The following PCDH15 variants were observed in gnomAD, a reference collection of about 807,000 sequenced individuals.
PCDH15 encodes protocadherin-15.
PCDH15 carries 129 observed loss-of-function variants against 178.5 expected under a neutral mutation model. The observed-to-expected ratio is 0.72, with a 90% CI of 0.63 to 0.84. The LOEUF (loss-of-function observed/expected upper bound fraction) is 0.84, where lower values mean the gene tolerates loss of function less well. Among genes scored for constraint, PCDH15 ranks in the 40% least tolerant of loss-of-function variants. The pLI is 0.00. For missense variants in PCDH15, 2,230 were observed against 2,099.9 expected (o/e 1.06, Z -1.21); for synonymous variants, 800 against 732.0 (o/e 1.09, Z -1.50).
intron 2 of PCDH15, among the ~76,000 whole-genome samples, chr10:54,913,109 G>A (rs1178997436): frequency 6.6e-6 from 1 of 152,186 alleles, no homozygotes; most frequent in Non-Finnish European, 1.5e-5. Context: ...ATTTTCTGGG[G>A]ATGAACCCTT....
intron 2 of PCDH15, among the ~76,000 whole-genome samples, chr10:54,997,937 T>A (rs1839687178): frequency 6.6e-6 from 1 of 152,126 alleles, no homozygotes; most frequent in African/African-American, 2.4e-5. Flanking sequence ...TATGCAGAAA[T>A]GTATTTTTTA....
chr10:55,505,319 T>C (rs1212721209), intron 2 of PCDH15, among the ~76,000 whole-genome samples: 1 of 151,372 alleles, frequency 6.6e-6, no homozygotes, highest in African/African-American at 2.4e-5. Context: ...ATATTTATTA[T>C]TGACATTTAA....
chr10:53,856,685 T>A (rs1362743474), intron 28 of PCDH15, among the ~76,000 whole-genome samples: 1 of 152,066 alleles, frequency 6.6e-6, no homozygotes, highest in African/African-American at 2.4e-5. Context: ...TAATAAAATC[T>A]CACATCTAAT....
intron 2 of PCDH15, among the ~76,000 whole-genome samples, chr10:55,103,919 A>G (rs139878014): frequency 7.0e-4 from 106 of 152,282 alleles, no homozygotes; most frequent in African/African-American, 2.5e-3. Context: ...CAAAGAATCA[A>G]TGGGACCAAT....
chr10:55,548,303 T>G (rs1038251238), intron 2 of PCDH15, among the ~76,000 whole-genome samples: 4 of 150,350 alleles, frequency 2.7e-5, no homozygotes, highest in African/African-American at 9.8e-5. Context: ...AGTTTTGGAG[T>G]GGTTTGTTAC....
In PCDH15 at chr10:54,329,692, G is replaced by C. The variant is rs762859513; in HGVS notation, c.609C>G (p.Thr203=). 1 of 1,592,212 alleles carries C rather than the reference G, an allele frequency of 6.3e-7. No individual in the cohort carries two copies. The highest frequency in any genetic ancestry group is 1.3e-5 in the African/African-American group (1 of 74,450). ...YNPDDPTSND[T]FEIPLMLTGN... ...CAGTCAACATTAGGGGAATTTCAAA[G>C]GTGTCATTGGATGTCTGCAAATATT... The change falls in exon 7 of 38, where the codon ACC becomes ACG. Residue 203 remains threonine (T), a synonymous_variant. Coordinates refer to ENST00000644397, the MANE Select transcript of PCDH15 (RefSeq NM_001384140.1).
intron 18 of PCDH15, among the ~76,000 whole-genome samples, chr10:54,031,460 C>T (rs1374406656): frequency 2.6e-5 from 4 of 151,360 alleles, no homozygotes; most frequent in African/African-American, 9.7e-5. Context: ...ATAGGAGACA[C>T]TGTTAGAGAA....
chr10:55,464,875 T>A (rs1168486715), intron 2 of PCDH15, among the ~76,000 whole-genome samples: 3 of 142,190 alleles, frequency 2.1e-5, no homozygotes, highest in East Asian at 4.1e-4. Flanking sequence ...AAATTGGTAA[T>A]AAGGGTAATG....
chr10:55,316,882 A>G (rs937992348), intron 1 of PCDH15, among the ~76,000 whole-genome samples: 2 of 152,294 alleles, frequency 1.3e-5, no homozygotes, highest in East Asian at 3.9e-4. Context: ...TATTATTTGC[A>G]TAATTATAGC....
intron 2 of PCDH15, among the ~76,000 whole-genome samples, chr10:55,434,260 C>T (rs1003497527): frequency 6.6e-6 from 1 of 151,432 alleles, no homozygotes; most frequent in Non-Finnish European, 1.5e-5. Context: ...TTAGTAGAGA[C>T]GGGGTTTCAC....
chr10:55,288,287 A>G (rs1298079762), intron 1 of PCDH15, among the ~76,000 whole-genome samples: 3 of 151,240 alleles, frequency 2.0e-5, no homozygotes, highest in African/African-American at 7.3e-5. Context: ...CATATTCAAA[A>G]TTAAACGTAT....
intron 18 of PCDH15, among the ~76,000 whole-genome samples, chr10:54,044,135 G>T (rs2093609777): frequency 6.6e-6 from 1 of 152,106 alleles, no homozygotes; most frequent in African/African-American, 2.4e-5. Flanking sequence ...GGAAGGGGTT[G>T]AAGGGAGAAA....
intron 2 of PCDH15, among the ~76,000 whole-genome samples, chr10:54,591,036 G>A (rs2091853531): frequency 6.6e-6 from 1 of 152,082 alleles, no homozygotes; most frequent in African/African-American, 2.4e-5. Flanking sequence ...TTTTACTTAT[G>A]CATATATACC....
chr10:55,514,244 A>T (rs1364886020), intron 2 of PCDH15, among the ~76,000 whole-genome samples: 1 of 152,182 alleles, frequency 6.6e-6, no homozygotes. Flanking sequence ...ATGCCATCAA[A>T]TTACAAGATT....
chr10:55,297,049 T>C (rs2132274029), intron 1 of PCDH15, among the ~76,000 whole-genome samples: 1 of 152,232 alleles, frequency 6.6e-6, no homozygotes, highest in Non-Finnish European at 1.5e-5. Flanking sequence ...AACCAGGTAC[T>C]CCATAAGTCA....
At chr10:54,774,848 A>G (rs921579967) in intron 1 of PCDH15, among the ~76,000 whole-genome samples, 18 of 151,920 alleles carry the variant, frequency 1.2e-4, no homozygotes, top group Non-Finnish European at 2.4e-4. Context: ...CCTTTTTTTC[A>G]TATTAGTTTT....
At chr10:55,053,985 A>T (rs924393759) in intron 2 of PCDH15, among the ~76,000 whole-genome samples, 19 of 152,204 alleles carry the variant, frequency 1.2e-4, no homozygotes, top group Admixed American at 9.2e-4. Context: ...GTCTATTTTT[A>T]ACTTTCATTT....
chr10:55,268,084 TTAAG>T (rs1201553381), intron 1 of PCDH15, among the ~76,000 whole-genome samples: 3 of 152,246 alleles, frequency 2.0e-5, no homozygotes, highest in African/African-American at 2.4e-5. Flanking sequence ...AAAGTATCAA[TTAAG>T]TATCACAAAA....
At chr10:54,203,037 C>A (rs1204154592) in intron 10 of PCDH15, among the ~76,000 whole-genome samples, 2 of 152,024 alleles carry the variant, frequency 1.3e-5, no homozygotes, top group Non-Finnish European at 1.5e-5. Flanking sequence ...TATTGGTTAG[C>A]CCTATTGGTT....
Sources: allele counts gnomAD v4.1 joint callset (sites outside exome capture counted in the v4.1 genomes callset), GRCh38; gene constraint gnomAD v4.1.1; transcripts MANE v1.5; gene names NCBI Gene and HGNC (gene_info 2026-07-23, HGNC 2026-07-21).